Variants in UNC79 observed in about 807,000 individuals in gnomAD.
UNC79 encodes the protein unc-79 subunit of NALCN channel complex.
Under a neutral mutation model 283.1 loss-of-function variants are expected in UNC79, and 37 were observed. The ratio of observed to expected loss-of-function variants is 0.13; its 90% CI spans 0.10 to 0.17. The LOEUF is 0.17. UNC79 is among the 10% of genes least tolerant of loss of function. The probability of loss-of-function intolerance (pLI) is 1.00; values close to 1 mark genes in which losing one functional copy is unlikely to be tolerated. For missense variants in UNC79, 2,272 were observed against 3,211.1 expected, an observed-to-expected ratio of 0.71 and a Z score of 7.07; for synonymous variants, 1,107 against 1,200.2, an observed-to-expected ratio of 0.92 and a Z score of 1.61.
chr14:93,334,319 C>T (rs927667675), intron 1 of UNC79, among the ~76,000 whole-genome samples: 1 of 152,242 alleles, frequency 6.6e-6, no homozygotes, highest in African/African-American at 2.4e-5. Flanking sequence ...CTTTACCCAT[C>T]TCACCCTTTT....
At chr14:93,464,103 C>T (rs981271640) in intron 1 of UNC79, among the ~76,000 whole-genome samples, 1 of 152,064 alleles carries the variant, frequency 6.6e-6, no homozygotes, top group Admixed American at 6.6e-5. Context: ...GAGCCGAGAT[C>T]GTGCCACTGC....
chr14:93,464,465 C>A (rs913695563), intron 1 of UNC79: 2 of 453,946 alleles, frequency 4.4e-6, no homozygotes, highest in African/African-American at 4.0e-5. Context: ...TTAGGGTCCA[C>A]CACGGAAACG....
chr14:93,387,046 G>A (rs997689760), intron 1 of UNC79, among the ~76,000 whole-genome samples: 1 of 136,588 alleles, frequency 7.3e-6, no homozygotes, highest in Non-Finnish European at 1.5e-5. Context: ...AGGTACAATC[G>A]ATTCTCCTGT....
chr14:93,618,210 G>A (rs148868238), exon 29 of UNC79: 2 of 1,613,290 alleles, frequency 1.2e-6, no homozygotes, highest in Non-Finnish European at 1.7e-6. Flanking sequence ...CCGAGACTGT[G>A]ATATCAGCAA....
At chr14:93,630,886 A>G (rs1261411222) in exon 31 of UNC79, 2 of 1,613,922 alleles carry the variant, frequency 1.2e-6, no homozygotes, top group Non-Finnish European at 8.5e-7. Flanking sequence ...TGCCGGAAAC[A>G]AGTAGCCATT....
At chr14:93,537,140 A>G (rs2061128242) in intron 11 of UNC79, among the ~76,000 whole-genome samples, 2 of 152,202 alleles carry the variant, frequency 1.3e-5, no homozygotes, top group Admixed American at 6.5e-5. Flanking sequence ...CTATTGAAAG[A>G]GACATTGACT....
At chr14:93,640,923 A>G (rs1407699378) in intron 32 of UNC79, among the ~76,000 whole-genome samples, 1 of 152,136 alleles carries the variant, frequency 6.6e-6, no homozygotes, top group Admixed American at 6.5e-5. Flanking sequence ...TCAAGAAGCA[A>G]AGAGAGAGAA....
chr14:93,684,610 G>A (rs2140869337), intron 42 of UNC79, among the ~76,000 whole-genome samples: 1 of 152,234 alleles, frequency 6.6e-6, no homozygotes, highest in East Asian at 1.9e-4. Flanking sequence ...ATATGTATGT[G>A]TGTATGTTAT....
intron 1 of UNC79, among the ~76,000 whole-genome samples, chr14:93,434,252 C>G (rs2055997420): frequency 6.6e-6 from 1 of 152,034 alleles, no homozygotes; most frequent in Admixed American, 6.6e-5. Flanking sequence ...AAAGAAGCAG[C>G]AGCAGCTAGT....
chr14:93,477,613 T>A, exon 4 of UNC79: 1 of 1,612,062 alleles, frequency 6.2e-7, no homozygotes, highest in Non-Finnish European at 8.5e-7. Flanking sequence ...TTCTCAATGA[T>A]GATATTCTGA....
intron 1 of UNC79, among the ~76,000 whole-genome samples, chr14:93,336,419 G>A (rs1459743063): frequency 6.6e-6 from 1 of 151,978 alleles, no homozygotes; most frequent in African/African-American, 2.4e-5. Flanking sequence ...TCAGCTCAGT[G>A]CAACCTCCGC....
At chr14:93,417,177 G>A (rs1396231537) in intron 1 of UNC79, among the ~76,000 whole-genome samples, 2 of 151,966 alleles carry the variant, frequency 1.3e-5, no homozygotes, top group African/African-American at 4.8e-5. Context: ...TCCTTTCCAT[G>A]TTTAGTGCTT....
At position 93,574,379 on chromosome 14, in the gene UNC79, C is replaced by T. The variant is rs182095108; in HGVS notation, c.2071-679C>T. Among the ~76,000 whole-genome samples, 283 of 152,228 alleles carry T rather than the reference C, an allele frequency of 1.9e-3. 2 individuals are homozygous for T. The highest frequency in any genetic ancestry group is 6.4e-3 in the African/African-American group (267 of 41,538). ...TCATTTATAATTAATTCTGGAAGCA[C>T]GTACAAGAGCTCCCATGTGCCAGGC... On this transcript the variant is annotated intron_variant, in intron 16 of 48. Coordinates refer to ENST00000555664, the Ensembl canonical transcript of UNC79.
At chr14:93,390,043 T>C (rs1200052353) in intron 1 of UNC79, among the ~76,000 whole-genome samples, 1 of 152,240 alleles carries the variant, frequency 6.6e-6, no homozygotes, top group Non-Finnish European at 1.5e-5. Flanking sequence ...ATCTCTCTCA[T>C]GAACAAAGAT....
intron 2 of UNC79, among the ~76,000 whole-genome samples, chr14:93,473,225 A>G (rs557660770): frequency 6.6e-6 from 1 of 152,084 alleles, no homozygotes; most frequent in Non-Finnish European, 1.5e-5. Flanking sequence ...GTGCAGCTAT[A>G]TGACAGATAC....
At chr14:93,574,082 A>G (rs1284686810) in intron 16 of UNC79, among the ~76,000 whole-genome samples, 1 of 152,234 alleles carries the variant, frequency 6.6e-6, no homozygotes, top group African/African-American at 2.4e-5. Flanking sequence ...GATTTCAGTA[A>G]GGTAATTCTC....
intron 1 of UNC79, among the ~76,000 whole-genome samples, chr14:93,438,766 A>AT (rs1259372184): frequency 6.6e-6 from 1 of 151,350 alleles, no homozygotes. Flanking sequence ...GCCTCATAGT[A>AT]TTTTTGTGAG....
intron 1 of UNC79, among the ~76,000 whole-genome samples, chr14:93,401,831 GAGTT>G (rs1369503146): frequency 1.3e-5 from 2 of 152,174 alleles, no homozygotes; most frequent in African/African-American, 2.4e-5. Flanking sequence ...GTTGTCCAGA[GAGTT>G]AGGTAGAAAC....
exon 7 of UNC79, chr14:93,497,273 G>A: frequency 1.2e-6 from 2 of 1,612,554 alleles, no homozygotes; most frequent in Non-Finnish European, 1.7e-6. Flanking sequence ...AGTACAGGGG[G>A]TTGCAGTACA....
Sources: allele counts gnomAD v4.1 joint callset (sites outside exome capture counted in the v4.1 genomes callset), GRCh38; gene constraint gnomAD v4.1.1; transcripts MANE v1.5; gene names NCBI Gene and HGNC (gene_info 2026-07-23, HGNC 2026-07-21).